CDH6: variants seen among roughly 807,000 people sequenced by gnomAD.
CDH6 encodes cadherin-6.
Under a neutral mutation model 78.0 loss-of-function variants are expected in CDH6, and 31 were observed. The observed-to-expected ratio is 0.40, with a 90% CI of 0.30 to 0.54. The LOEUF (loss-of-function observed/expected upper bound fraction) is 0.54. CDH6 is among the 20% of genes least tolerant of loss of function. CDH6 has a pLI of 0.56. For synonymous variants in CDH6, 376 were observed against 368.8 expected (o/e 1.02, Z -0.23); for missense variants, 724 against 975.9 (o/e 0.74, Z 3.44).
intron 1 of CDH6, among the ~76,000 whole-genome samples, chr5:31,209,611 C>T (rs1740636050): frequency 6.6e-6 from 1 of 152,154 alleles, no homozygotes; most frequent in Non-Finnish European, 1.5e-5. Context: ...CTCTGATTCT[C>T]TAAGTGTTTT....
intron 2 of CDH6, among the ~76,000 whole-genome samples, chr5:31,273,466 G>A (rs1297611884): frequency 6.6e-6 from 1 of 152,038 alleles, no homozygotes; most frequent in East Asian, 1.9e-4. Flanking sequence ...TAATGCATGG[G>A]TATTGTTTCC....
intron 1 of CDH6, among the ~76,000 whole-genome samples, chr5:31,256,181 T>G (rs551770207): frequency 6.6e-6 from 1 of 152,352 alleles, no homozygotes; most frequent in Admixed American, 6.5e-5. Flanking sequence ...TTTTTTTCAT[T>G]TTAGTGATGT....
At chr5:31,208,191 G>A (rs1740590841) in intron 1 of CDH6, among the ~76,000 whole-genome samples, 1 of 152,218 alleles carries the variant, frequency 6.6e-6, no homozygotes, top group African/African-American at 2.4e-5. Flanking sequence ...GAGCCTGGGA[G>A]AGCAACCAAC....
chr5:31,299,513 G>A lies in CDH6; in HGVS notation c.693G>A (p.Gln231=). Residue 231 remains glutamine, a synonymous_variant, in exon 5 of 12, where the codon CAG becomes CAA. Coordinates refer to ENST00000265071, the MANE Select transcript of CDH6 (RefSeq NM_004932.4). ...LLNMDRENRE[Q]YQVVIQAKDM... ...ACATGGATCGAGAAAACAGGGAGCAGTACCAAGTGGTGATTCAAGCCAAGG... is the reference window on the plus strand; with the variant it reads ...ACATGGATCGAGAAAACAGGGAGCAATACCAAGTGGTGATTCAAGCCAAGG... The A allele has an allele frequency of 6.2e-7, 1 of 1,613,850 alleles. No individual in the cohort carries two copies. Among genetic ancestry groups the A allele is most frequent in the Non-Finnish European group, 8.5e-7 (1 of 1,179,818 alleles).
chr5:31,219,189 CT>C (rs1441656570), intron 1 of CDH6, among the ~76,000 whole-genome samples: 2 of 152,192 alleles, frequency 1.3e-5, no homozygotes, highest in Non-Finnish European at 2.9e-5. Flanking sequence ...CTGCAATTCT[CT>C]TCTGTGTCTC....
intron 1 of CDH6, among the ~76,000 whole-genome samples, chr5:31,205,846 T>A (rs1383863164): frequency 6.6e-6 from 1 of 152,204 alleles, no homozygotes; most frequent in Non-Finnish European, 1.5e-5. Flanking sequence ...AGTAGAATAA[T>A]AAAACCTAAC....
At chr5:31,314,860 G>C (rs1209382930) in intron 8 of CDH6, among the ~76,000 whole-genome samples, 1 of 152,112 alleles carries the variant, frequency 6.6e-6, no homozygotes, top group East Asian at 1.9e-4. Flanking sequence ...TGACACATTT[G>C]AAAGTATTGG....
At chr5:31,234,780 T>C (rs987382836) in intron 1 of CDH6, among the ~76,000 whole-genome samples, 4 of 152,206 alleles carry the variant, frequency 2.6e-5, no homozygotes, top group East Asian at 3.8e-4. Context: ...CATAAACATA[T>C]ACATACATAT....
At chr5:31,265,529 C>T (rs568785542) in intron 1 of CDH6, among the ~76,000 whole-genome samples, 2 of 152,146 alleles carry the variant, frequency 1.3e-5, no homozygotes, top group African/African-American at 2.4e-5. Context: ...TATAATTACT[C>T]ATTGCTGGAG....
chr5:31,269,948 C>G (rs557714275), intron 2 of CDH6, among the ~76,000 whole-genome samples: 1 of 152,112 alleles, frequency 6.6e-6, no homozygotes, highest in Non-Finnish European at 1.5e-5. Context: ...ATCAGACACG[C>G]GTTAGAGGTG....
chr5:31,286,964 TG>T (rs1414098582), intron 2 of CDH6, among the ~76,000 whole-genome samples: 2 of 152,138 alleles, frequency 1.3e-5, no homozygotes, highest in Admixed American at 6.5e-5. Context: ...GATGACTCCC[TG>T]GTGGCTTTTA....
chr5:31,245,653 A>G (rs1741725439), intron 1 of CDH6, among the ~76,000 whole-genome samples: 1 of 152,140 alleles, frequency 6.6e-6, no homozygotes, highest in Non-Finnish European at 1.5e-5. Flanking sequence ...AATATAAACC[A>G]TGATTATTCC....
chr5:31,309,945 TG>T (rs1413237432), intron 7 of CDH6, among the ~76,000 whole-genome samples: 1 of 152,196 alleles, frequency 6.6e-6, no homozygotes, highest in African/African-American at 2.4e-5. Context: ...CAGATTTGGG[TG>T]GGGACACAGA....
Position 31,328,656 on chromosome 5 carries a change from A to G in CDH6, c.*5348A>G, listed in dbSNP as rs1039305380. 1 of 208,506 alleles carries G rather than the reference A, an allele frequency of 4.8e-6. No homozygotes were observed. The highest frequency in any genetic ancestry group is 2.3e-5 in the African/African-American group (1 of 43,932). The allele number at this position is 208,506 out of a possible 1,614,324, so 12.9% of individuals were successfully genotyped here. A position where few individuals can be genotyped will look rare whatever the true frequency, so the allele number is the denominator to read the frequency against. On this transcript the variant is annotated 3_prime_UTR_variant, in exon 12 of 12. Transcript: ENST00000265071. ...GTGATTTGTGACTTTTAAACCCACA[A>G]AATAAAAGCTTTTTGGTATTGATTG...
intron 1 of CDH6, among the ~76,000 whole-genome samples, chr5:31,245,899 C>CTTTTTTTTTTTTT (rs71612205): frequency 2.3e-5 from 2 of 87,670 alleles, no homozygotes; most frequent in Admixed American, 1.5e-4. Flanking sequence ...CTCTCTCTCT[C>CTTTTTTTTTTTTT]TTTTTTTTTT....
chr5:31,308,618 T>A (rs1307208155), intron 7 of CDH6, among the ~76,000 whole-genome samples: 2 of 152,126 alleles, frequency 1.3e-5, no homozygotes, highest in Non-Finnish European at 2.9e-5. Flanking sequence ...GCAACTTTCC[T>A]GAATGATGTG....
At chr5:31,261,024 C>T (rs892387155) in intron 1 of CDH6, among the ~76,000 whole-genome samples, 4 of 152,126 alleles carry the variant, frequency 2.6e-5, no homozygotes, top group African/African-American at 4.8e-5. Flanking sequence ...CTTGGGTTAT[C>T]GGGAAATTGA....
chr5:31,316,183 T>G, intron 8 of CDH6, 25 bp from the exon 9 acceptor site: 1 of 1,590,792 alleles, frequency 6.3e-7, no homozygotes, highest in African/African-American at 1.4e-5. Flanking sequence ...TAAATGCCTT[T>G]TTCTTTCTTT....
At chr5:31,246,634 G>A (rs1380686330) in intron 1 of CDH6, among the ~76,000 whole-genome samples, 2 of 152,184 alleles carry the variant, frequency 1.3e-5, no homozygotes, top group African/African-American at 2.4e-5. Context: ...AAACTTTGAG[G>A]GGCAAACATG....
Sources: gnomAD v4.1 joint callset for allele counts (sites outside exome capture counted in the v4.1 genomes callset) on GRCh38, gnomAD v4.1.1 for gene constraint, MANE v1.5 for transcripts, NCBI Gene and HGNC (gene_info 2026-07-23, HGNC 2026-07-21) for gene names.